SMYD3: variants seen among roughly 807,000 people sequenced by gnomAD.
SMYD3 encodes the protein SET and MYND domain containing 3.
Under a neutral mutation model 57.7 loss-of-function variants are expected in SMYD3, and 36 were observed. The ratio of observed to expected loss-of-function variants is 0.62; its 90% CI spans 0.48 to 0.82. The LOEUF (loss-of-function observed/expected upper bound fraction) is 0.82, where lower values mean the gene tolerates loss of function less well. Ranked by LOEUF, SMYD3 falls within the 40% of genes least tolerant of loss-of-function variation. The pLI is 0.00. For synonymous variants in SMYD3, 211 were observed against 195.0 expected (o/e 1.08, Z -0.68); for missense variants, 515 against 538.8 (o/e 0.96, Z 0.44).
chr1:246,470,519 A>AT (rs1363493542), intron 1 of SMYD3, among the ~76,000 whole-genome samples: 13 of 141,730 alleles, frequency 9.2e-5, no homozygotes, highest in Admixed American at 2.1e-4. Flanking sequence ...TTAAAAAAAA[A>AT]AATATATATA....
At chr1:246,330,646 C>T (rs546173713) in intron 3 of SMYD3, 109 bp from the exon 4 acceptor site, 1 of 828,190 alleles carries the variant, frequency 1.2e-6, no homozygotes, top group Admixed American at 3.2e-5. Flanking sequence ...TCAAAAAGAA[C>T]ATTTTCTATA....
intron 5 of SMYD3, among the ~76,000 whole-genome samples, chr1:246,221,628 G>A (rs12039128): frequency 0.15 from 23,276 of 152,154 alleles, 2,384 homozygotes; most frequent in East Asian, 0.34. Flanking sequence ...CAGTGAACCC[G>A]GTCCAGCCAC....
intron 5 of SMYD3, among the ~76,000 whole-genome samples, chr1:246,039,437 T>C (rs1269271724): frequency 6.6e-6 from 1 of 152,148 alleles, no homozygotes; most frequent in African/African-American, 2.4e-5. Context: ...AACCAACATA[T>C]AAAACCAAAG....
intron 1 of SMYD3, among the ~76,000 whole-genome samples, chr1:246,443,130 T>G (rs2067496163): frequency 6.6e-6 from 1 of 152,242 alleles, no homozygotes; most frequent in Non-Finnish European, 1.5e-5. Context: ...AGTAACATTT[T>G]GGTTCACATA....
chr1:246,207,574 G>A (rs1378279204), intron 5 of SMYD3, among the ~76,000 whole-genome samples: 1 of 152,048 alleles, frequency 6.6e-6, no homozygotes, highest in Non-Finnish European at 1.5e-5. Context: ...GGCCATTATG[G>A]TAATATCTAT....
intron 5 of SMYD3, among the ~76,000 whole-genome samples, chr1:246,053,313 A>G (rs981964334): frequency 3.3e-5 from 5 of 152,208 alleles, no homozygotes; most frequent in Admixed American, 3.3e-4. Flanking sequence ...CAGGCTTTTT[A>G]AAAAGCTAAC....
intron 5 of SMYD3, among the ~76,000 whole-genome samples, chr1:246,058,154 C>T (rs183359905): frequency 2.0e-5 from 3 of 152,280 alleles, no homozygotes; most frequent in African/African-American, 2.4e-5. Context: ...AAGGTAAATA[C>T]ATATCAGTAT....
intron 5 of SMYD3, among the ~76,000 whole-genome samples, chr1:246,219,511 C>T (rs368938947): frequency 2.6e-5 from 4 of 152,120 alleles, no homozygotes; most frequent in African/African-American, 9.7e-5. Flanking sequence ...TCAATTCATT[C>T]GTGTGACTTC....
intron 10 of SMYD3, among the ~76,000 whole-genome samples, chr1:245,795,149 T>A (rs1279228853): frequency 2.0e-5 from 3 of 152,218 alleles, no homozygotes; most frequent in Non-Finnish European, 4.4e-5. Flanking sequence ...TCTTAAATGC[T>A]AGCTCAAGGA....
chr1:246,215,474 A>G (rs988389544), intron 5 of SMYD3, among the ~76,000 whole-genome samples: 1 of 152,256 alleles, frequency 6.6e-6, no homozygotes, highest in Admixed American at 6.5e-5. Flanking sequence ...ATGCTGAGCC[A>G]TCTTAAAACT....
intron 5 of SMYD3, among the ~76,000 whole-genome samples, chr1:245,976,116 CCAGGGAAAGCCA>C (rs1250282197): frequency 5.2e-5 from 2 of 38,142 alleles, no homozygotes; most frequent in African/African-American, 1.5e-4. Flanking sequence ...CGTCTCTAGC[CCAGGGAAAGCCA>C]TCGTCTCCGG....
intron 5 of SMYD3, among the ~76,000 whole-genome samples, chr1:245,996,396 C>T (rs906684333): frequency 6.6e-6 from 1 of 152,124 alleles, no homozygotes; most frequent in African/African-American, 2.4e-5. Flanking sequence ...GATGAATGGA[C>T]CTTTTCTCCA....
chr1:245,845,863 C>G (rs1278339206), intron 10 of SMYD3, among the ~76,000 whole-genome samples: 2 of 152,154 alleles, frequency 1.3e-5, no homozygotes, highest in African/African-American at 4.8e-5. Context: ...ATCTATTCTT[C>G]TGGTTTGTCC....
intron 5 of SMYD3, among the ~76,000 whole-genome samples, chr1:246,307,058 T>C (rs1052415841): frequency 1.3e-5 from 2 of 152,200 alleles, no homozygotes; most frequent in African/African-American, 2.4e-5. Flanking sequence ...ATCATTTTGG[T>C]AAAAACAGGA....
chr1:246,398,971 T>TC (rs1199735660), intron 1 of SMYD3, among the ~76,000 whole-genome samples: 1 of 152,212 alleles, frequency 6.6e-6, no homozygotes, highest in African/African-American at 2.4e-5. Flanking sequence ...GTAGATTTTC[T>TC]CTTGAGATTT....
At chr1:246,410,824 A>C (rs891205432) in intron 1 of SMYD3, among the ~76,000 whole-genome samples, 2 of 152,062 alleles carry the variant, frequency 1.3e-5, no homozygotes, top group African/African-American at 4.8e-5. Flanking sequence ...TTGGTAAGCT[A>C]TTAATTATTG....
At chr1:246,214,244 A>C (rs1028748656) in intron 5 of SMYD3, among the ~76,000 whole-genome samples, 4 of 152,150 alleles carry the variant, frequency 2.6e-5, no homozygotes, top group Non-Finnish European at 5.9e-5. Context: ...CAGGTCACAA[A>C]ATGGTAGGGA....
At chr1:246,030,982 G>A (rs1031401580) in intron 5 of SMYD3, among the ~76,000 whole-genome samples, 1 of 152,146 alleles carries the variant, frequency 6.6e-6, no homozygotes, top group Non-Finnish European at 1.5e-5. Flanking sequence ...GCCTGTGCTT[G>A]TAGGGAGAGG....
In SMYD3 at chr1:246,184,013, C is replaced by T. The variant is rs139926268; in HGVS notation, c.531+143188G>A. Among the ~76,000 whole-genome samples the T allele has an allele frequency of 2.0e-5, 3 of 152,276 alleles. No homozygotes were observed. The East Asian group carries it at 5.8e-4, about 29-fold the overall frequency. On this transcript the variant is annotated intron_variant, in intron 5 of 11. Coordinates refer to ENST00000490107, the MANE Select transcript of SMYD3 (RefSeq NM_001167740.2). ...TAGGCATGGAAGTAAAGCCGAAGGG[C>T]TTGAAATAACTCCACCTATCCACGT...
Sources: allele counts gnomAD v4.1 joint callset (sites outside exome capture counted in the v4.1 genomes callset), GRCh38; gene constraint gnomAD v4.1.1; transcripts MANE v1.5; gene names NCBI Gene and HGNC (gene_info 2026-07-23, HGNC 2026-07-21).